PSMA1: variants seen among roughly 807,000 people sequenced by gnomAD.
PSMA1 encodes proteasome 20S subunit alpha 1.
PSMA1 carries 3 observed loss-of-function variants against 38.4 expected under a neutral mutation model. The ratio of observed to expected loss-of-function variants is 0.08; its 90% CI spans 0.04 to 0.20. PSMA1 has a LOEUF of 0.20. Ranked by LOEUF, PSMA1 falls within the 10% of genes least tolerant of loss-of-function variation. PSMA1 has a pLI of 1.00. For synonymous variants in PSMA1, 101 were observed against 107.1 expected (o/e 0.94, Z 0.35); for missense variants, 227 against 325.3 (o/e 0.70, Z 2.32).
intron 1 of PSMA1, among the ~76,000 whole-genome samples, chr11:14,634,480 T>C (rs1397261890): frequency 6.6e-6 from 1 of 152,112 alleles, no homozygotes. Flanking sequence ...AGATTCCACT[T>C]AATTCTTCGT....
At chr11:14,519,664 C>A (rs927323073) in intron 1 of PSMA1, among the ~76,000 whole-genome samples, 1 of 152,090 alleles carries the variant, frequency 6.6e-6, no homozygotes, top group Non-Finnish European at 1.5e-5. Context: ...ACGGCTATTA[C>A]GACTATTATA....
Position 14,504,917 on chromosome 11 carries a change from A to C in PSMA1, c.*275T>G, listed in dbSNP as rs1032516761. ...AATTTTATTTCACAGTTGTCTTTAAAACCACAAAGACACCTATGTTCTTCA... is the reference window on the plus strand; with the variant it reads ...AATTTTATTTCACAGTTGTCTTTAACACCACAAAGACACCTATGTTCTTCA... On this transcript the variant is annotated 3_prime_UTR_variant, in exon 10 of 10. Coordinates refer to ENST00000396394, the MANE Select transcript of PSMA1 (RefSeq NM_002786.4). 3.1e-6 allele frequency: 1 copy of C among 325,004 alleles called. No homozygotes were observed. The highest frequency in any genetic ancestry group is 5.6e-6 in the Non-Finnish European group (1 of 178,300). 20.1% of individuals were successfully genotyped at this position (325,004 alleles called of 1,614,324 possible).
intron 1 of PSMA1, among the ~76,000 whole-genome samples, chr11:14,641,050 C>T (rs976418089): frequency 1.3e-5 from 2 of 151,958 alleles, no homozygotes; most frequent in Non-Finnish European, 2.9e-5. Context: ...GATGATGGGT[C>T]AAAACGTGAG....
At chr11:14,505,868 T>C (rs2134139636) in intron 9 of PSMA1, among the ~76,000 whole-genome samples, 1 of 152,094 alleles carries the variant, frequency 6.6e-6, no homozygotes, top group Admixed American at 6.5e-5. Context: ...GTGCTGGGCA[T>C]GGTGGCACAC....
intron 2 of PSMA1, among the ~76,000 whole-genome samples, chr11:14,592,350 C>T (rs1265285140): frequency 1.4e-5 from 2 of 138,720 alleles, no homozygotes; most frequent in East Asian, 2.1e-4. Flanking sequence ...TCAACTCTGA[C>T]ACAGTCTCTC....
chr11:14,618,621 G>C (rs1306302769), intron 1 of PSMA1, among the ~76,000 whole-genome samples: 1 of 152,180 alleles, frequency 6.6e-6, no homozygotes, highest in African/African-American at 2.4e-5. Flanking sequence ...ATGTCACCAA[G>C]GCCTGGTTTT....
At chr11:14,628,146 T>G (rs1852940018) in intron 1 of PSMA1, among the ~76,000 whole-genome samples, 1 of 152,224 alleles carries the variant, frequency 6.6e-6, no homozygotes, top group East Asian at 1.9e-4. Flanking sequence ...TAATGCCTGA[T>G]GATCTGAGAT....
chr11:14,517,537 A>T, intron 4 of PSMA1, 105 bp downstream of exon 4: 1 of 942,010 alleles, frequency 1.1e-6, no homozygotes, highest in Non-Finnish European at 1.6e-6. Flanking sequence ...TTAATTTACA[A>T]GAACTTTGGC....
intron 1 of PSMA1, among the ~76,000 whole-genome samples, chr11:14,623,744 A>C (rs2133712825): frequency 6.6e-6 from 1 of 152,356 alleles, no homozygotes; most frequent in South Asian, 2.1e-4. Context: ...CCATGCTGCC[A>C]GAGACAGGCT....
chr11:14,538,953 C>A (rs1851741456), intron 2 of PSMA1, among the ~76,000 whole-genome samples: 1 of 152,192 alleles, frequency 6.6e-6, no homozygotes, highest in South Asian at 2.1e-4. Context: ...TATAAAATGA[C>A]CATGCATGGA....
chr11:14,585,832 C>A (rs1852339413), intron 2 of PSMA1, among the ~76,000 whole-genome samples: 1 of 152,066 alleles, frequency 6.6e-6, no homozygotes, highest in African/African-American at 2.4e-5. Flanking sequence ...GGGTGCTGAG[C>A]CCAATCTCTT....
At chr11:14,539,677 C>T (rs912899287) in intron 2 of PSMA1, among the ~76,000 whole-genome samples, 2 of 151,992 alleles carry the variant, frequency 1.3e-5, no homozygotes, top group African/African-American at 2.4e-5. Flanking sequence ...AACCCCGTCT[C>T]TACTAAAAAT....
At chr11:14,640,447 TC>T (rs1381847762) in intron 1 of PSMA1, among the ~76,000 whole-genome samples, 1 of 152,206 alleles carries the variant, frequency 6.6e-6, no homozygotes, top group South Asian at 2.1e-4. Flanking sequence ...ACATTCTATC[TC>T]CCAGATAAAG....
At chr11:14,572,245 A>AC (rs1162435043) in intron 2 of PSMA1, among the ~76,000 whole-genome samples, 2 of 152,210 alleles carry the variant, frequency 1.3e-5, no homozygotes, top group Admixed American at 6.5e-5. Flanking sequence ...TTATTTCAAA[A>AC]TTGACCACAT....
At chr11:14,523,744 C>T (rs950444599), upstream of PSMA1, among the ~76,000 whole-genome samples, 1 of 151,754 alleles carries the variant, frequency 6.6e-6, no homozygotes, top group African/African-American at 2.4e-5. Flanking sequence ...CCCCCATGCC[C>T]AGATAATTTT....
At chr11:14,561,211 A>T (rs1852003568) in intron 2 of PSMA1, among the ~76,000 whole-genome samples, 1 of 152,188 alleles carries the variant, frequency 6.6e-6, no homozygotes, top group Non-Finnish European at 1.5e-5. Context: ...AAACTCAGAT[A>T]GATTGCATTT....
chr11:14,512,018 A>T (rs1851352673), intron 7 of PSMA1, among the ~76,000 whole-genome samples: 1 of 152,256 alleles, frequency 6.6e-6, no homozygotes, highest in African/African-American at 2.4e-5. Context: ...AGCACCAAAA[A>T]TAATAAAATA....
At chr11:14,609,519 T>C (rs1042573791) in intron 2 of PSMA1, among the ~76,000 whole-genome samples, 19 of 152,276 alleles carry the variant, frequency 1.2e-4, no homozygotes, top group Admixed American at 1.0e-3. Context: ...AATGGAGTTA[T>C]GAGATGTTGA....
intron 1 of PSMA1, among the ~76,000 whole-genome samples, chr11:14,622,171 G>A (rs867285307): frequency 1.3e-5 from 2 of 152,126 alleles, no homozygotes; most frequent in Non-Finnish European, 2.9e-5. Context: ...TTGCTTTGCC[G>A]GACACTGTGT....
Sources: gnomAD v4.1 joint callset for allele counts (sites outside exome capture counted in the v4.1 genomes callset) on GRCh38, gnomAD v4.1.1 for gene constraint, MANE v1.5 for transcripts, NCBI Gene and HGNC (gene_info 2026-07-23, HGNC 2026-07-21) for gene names.